Variants in UBAP2L observed in about 807,000 individuals in gnomAD.
The protein encoded by UBAP2L is ubiquitin associated protein 2 like.
Under a neutral mutation model 130.6 loss-of-function variants are expected in UBAP2L, and 12 were observed. The ratio of observed to expected loss-of-function variants is 0.09; its 90% CI spans 0.06 to 0.15. The LOEUF (loss-of-function observed/expected upper bound fraction) is 0.15. UBAP2L is among the 10% of genes least tolerant of loss of function. The pLI is 1.00. For synonymous variants in UBAP2L, 503 were observed against 524.7 expected, an observed-to-expected ratio of 0.96 and a Z score of 0.57; for missense variants, 965 against 1,332.5, an observed-to-expected ratio of 0.72 and a Z score of 4.29.
At chr1:154,269,631 G>C in intron 26 of UBAP2L, 1 of 346,226 alleles carries the variant, frequency 2.9e-6, no homozygotes. Flanking sequence ...GAAAACATTC[G>C]GTTACCAGAA....
intron 10 of UBAP2L, 67 bp downstream of exon 10, chr1:154,243,369 T>G (rs531514839): frequency 1.4e-6 from 2 of 1,452,322 alleles, no homozygotes; most frequent in Non-Finnish European, 1.9e-6. Context: ...TAAAGAGAAG[T>G]GGCACTGGCC....
rs181384680 is a variant in UBAP2L, at chr1:154,242,391, A to T, written c.756+826A>T. Reference sequence around the variant, plus strand: ...GGGTTTTTTAAATTTCAGAGGCATCAGCATCACAGGGTGATTATTTTCTAT... The same window carrying T: ...GGGTTTTTTAAATTTCAGAGGCATCTGCATCACAGGGTGATTATTTTCTAT... On this transcript the variant is annotated intron_variant, in intron 9 of 26. Coordinates refer to ENST00000428931, the MANE Select transcript of UBAP2L (RefSeq NM_014847.4). Among the ~76,000 whole-genome samples, 303 of 152,364 alleles carry T rather than the reference A, an allele frequency of 2.0e-3. 3 individuals are homozygous for T. Among genetic ancestry groups the T allele is most frequent in the Non-Finnish European group, 1.4e-3 (97 of 68,032 alleles).
downstream of UBAP2L, chr1:154,270,962 G>C (rs2149133136): frequency 6.5e-7 from 1 of 1,546,646 alleles, no homozygotes; most frequent in African/African-American, 1.4e-5. Flanking sequence ...GGCCCCTGAA[G>C]GCAGTGGAAT....
intron 3 of UBAP2L, 144 bp downstream of exon 3, chr1:154,227,503 T>C (rs1388239277): frequency 1.5e-5 from 10 of 660,480 alleles, no homozygotes; most frequent in Non-Finnish European, 2.5e-5. Flanking sequence ...GTCAGGCCAA[T>C]AAATAAGTGC....
intron 10 of UBAP2L, among the ~76,000 whole-genome samples, chr1:154,245,687 G>A (rs1675209147): frequency 6.6e-6 from 1 of 152,082 alleles, no homozygotes; most frequent in Non-Finnish European, 1.5e-5. Context: ...AGGCCAAGGC[G>A]GGCGGATCAT....
chr1:154,241,505 A>G lies in UBAP2L; in HGVS notation c.704-8A>G. On this transcript the variant is annotated splice_region_variant and splice_polypyrimidine_tract_variant and intron_variant, in intron 8 of 26. Transcript: ENST00000428931. ...TGAAGTTACTTCACTATTTTTCTTT[A>G]TTCTCAGGTGCATGGAGGACTGCAA... 1 of 1,613,540 alleles carries G rather than the reference A, an allele frequency of 6.2e-7. No individual in the cohort carries two copies. The highest frequency in any genetic ancestry group is 1.1e-5 in the South Asian group (1 of 91,052).
chr1:154,255,834 T>C (rs929463437), intron 18 of UBAP2L, 79 bp downstream of exon 18: 2 of 1,543,004 alleles, frequency 1.3e-6, no homozygotes, highest in Non-Finnish European at 1.8e-6. Context: ...CAAGAGAGAA[T>C]TATTGAAAAT....
Position 154,251,560 on chromosome 1 carries a change from G to C in UBAP2L, c.1571G>C (p.Gly524Ala). Residue 524 changes from glycine (G) to alanine (A), a missense_variant, in exon 14 of 27, where the codon GGG (glycine) becomes GCG (alanine). Physicochemically the swap from Gly to Ala is moderately conservative, Grantham distance 60 (BLOSUM62 0). Coordinates refer to ENST00000428931, the MANE Select transcript of UBAP2L (RefSeq NM_014847.4). ...CTGCAGTTTGGGGCATTGCAGTTTGGGTCAGAGCCTGTCCTTTCTGATTAT... is the reference window on the plus strand; with the variant it reads ...CTGCAGTTTGGGGCATTGCAGTTTGCGTCAGAGCCTGTCCTTTCTGATTAT... ...LNLQFGALQF[G>A]SEPVLSDYES... 6.2e-7 allele frequency: 1 copy of C among 1,614,054 alleles called. No individual in the cohort carries two copies. The highest frequency in any genetic ancestry group is 8.5e-7 in the Non-Finnish European group (1 of 1,180,000).
In UBAP2L at chr1:154,270,514, C is replaced by G; in HGVS notation, c.*219C>G. The G allele has an allele frequency of 6.9e-7, 1 of 1,448,530 alleles. No homozygotes were observed. 89.7% of individuals were successfully genotyped at this position (1,448,530 alleles called of 1,614,324 possible). ...TTGTATTTTCTCCTTTTTTTTCCCC[C>G]TTCCATTCCTTCTCCCCTCTTGCAT... On this transcript the variant is annotated 3_prime_UTR_variant, in exon 27 of 27. Coordinates refer to ENST00000428931, the MANE Select transcript of UBAP2L (RefSeq NM_014847.4).
chr1:154,256,035 TCTGGAAGAACATAC>T (rs1329433709), intron 18 of UBAP2L, among the ~76,000 whole-genome samples: 2 of 152,220 alleles, frequency 1.3e-5, no homozygotes, highest in African/African-American at 4.8e-5. Flanking sequence ...TTTAATAAAT[TCTGGAAGAACATAC>T]CTTTCCAACT....
In UBAP2L at chr1:154,270,679, T is replaced by G; in HGVS notation, c.*384T>G. The G allele has an allele frequency of 7.1e-7, 1 of 1,411,024 alleles. No homozygotes were observed. Among genetic ancestry groups the G allele is most frequent in the Non-Finnish European group, 9.2e-7 (1 of 1,089,490 alleles). 87.4% of individuals were successfully genotyped at this position (1,411,024 alleles called of 1,614,324 possible). A position where few individuals can be genotyped will look rare whatever the true frequency, so the allele number is the denominator to read the frequency against. On this transcript the variant is annotated 3_prime_UTR_variant, in exon 27 of 27. Coordinates refer to ENST00000428931, the MANE Select transcript of UBAP2L (RefSeq NM_014847.4). ...CAGCCCTAAGTCTCCTTCTTTATTATTAGGAAAACAACAACAACAACAAAC... is the reference window on the plus strand; with the variant it reads ...CAGCCCTAAGTCTCCTTCTTTATTAGTAGGAAAACAACAACAACAACAAAC...
chr1:154,229,084 A>G (rs567014375), intron 4 of UBAP2L, among the ~76,000 whole-genome samples: 1 of 151,858 alleles, frequency 6.6e-6, no homozygotes, highest in African/African-American at 2.4e-5. Flanking sequence ...CACACACTAT[A>G]CTTGATTCTG....
At chr1:154,255,022 T>G in intron 16 of UBAP2L, 130 bp from the exon 17 acceptor site, 3 of 1,410,938 alleles carry the variant, frequency 2.1e-6, no homozygotes, top group Non-Finnish European at 2.9e-6. Flanking sequence ...AGAAAAAAGA[T>G]TCTACCTAAT....
In UBAP2L at chr1:154,255,893, G is replaced by T. The variant is rs1205436038; in HGVS notation, c.2157+138G>T. 6 of 992,000 alleles carry T rather than the reference G, an allele frequency of 6.0e-6. No homozygotes were observed. The African/African-American group carries it at 9.5e-5, about 16-fold the overall frequency. The allele number at this position is 992,000 out of a possible 1,614,324, so 61.4% of individuals were successfully genotyped here. ...TTGATTTGAGGTTGCAGGAAAAGGA[G>T]TAAAGGGATGTTAGGAAGCCAAGAG... On this transcript the variant is annotated intron_variant, in intron 18 of 26. Coordinates refer to ENST00000428931, the MANE Select transcript of UBAP2L (RefSeq NM_014847.4).
chr1:154,255,146 T>C lies in UBAP2L; in HGVS notation c.1910-6T>C. 6.2e-7 allele frequency: 1 copy of C among 1,613,690 alleles called. No homozygotes were observed. Among genetic ancestry groups the C allele is most frequent in the Non-Finnish European group, 8.5e-7 (1 of 1,179,824 alleles). ...TGAGAGGAATTCCTTTCTTCTAAAT[T>C]TCTAGGTGCTACAGGCTCTGCAGTG... On this transcript the variant is annotated splice_region_variant and splice_polypyrimidine_tract_variant and intron_variant, in intron 16 of 26. Coordinates refer to ENST00000428931, the MANE Select transcript of UBAP2L (RefSeq NM_014847.4).
chr1:154,259,818 G>A, intron 21 of UBAP2L, 130 bp from the exon 22 acceptor site: 1 of 1,002,358 alleles, frequency 1.0e-6, no homozygotes, highest in African/African-American at 1.6e-5. Flanking sequence ...GCTAACTCTA[G>A]CCAGCTTAAT....
chr1:154,268,613 G>C, intron 25 of UBAP2L, 144 bp from the exon 26 acceptor site: 1 of 751,834 alleles, frequency 1.3e-6, no homozygotes, highest in Non-Finnish European at 2.3e-6. Flanking sequence ...CTGAGACTGA[G>C]ACCTGAATAT....
rs1342532249 is a variant in UBAP2L, at chr1:154,255,701, G to A, written c.2103G>A (p.Gln701=). ...TQHSSTLSTQ[Q]NTLSSSTSSG... ...CTGACAGCACGTTATCTACGCAGCAGAATACCCTTTCATCATCAACATCTT... is the reference window on the plus strand; with the variant it reads ...CTGACAGCACGTTATCTACGCAGCAAAATACCCTTTCATCATCAACATCTT... The change falls in exon 18 of 27, where the codon CAG becomes CAA. Residue 701 remains glutamine, a synonymous_variant. Transcript: ENST00000428931. 1.9e-6 allele frequency: 3 copies of A among 1,614,192 alleles called. No individual in the cohort carries two copies. Among genetic ancestry groups the A allele is most frequent in the Non-Finnish European group, 2.5e-6 (3 of 1,180,036 alleles).
intron 4 of UBAP2L, among the ~76,000 whole-genome samples, chr1:154,231,688 T>C (rs1180425622): frequency 6.6e-6 from 1 of 152,210 alleles, no homozygotes; most frequent in African/African-American, 2.4e-5. Context: ...TCTAACTTAC[T>C]TCACTTAGTG....
Sources: allele counts gnomAD v4.1 joint callset (sites outside exome capture counted in the v4.1 genomes callset), GRCh38; gene constraint gnomAD v4.1.1; transcripts MANE v1.5; gene names NCBI Gene and HGNC (gene_info 2026-07-23, HGNC 2026-07-21).